The following XKR9 variants were observed in gnomAD, a reference collection of about 807,000 sequenced individuals.
XKR9 encodes XK related 9, also known as XK-related protein 9.
Under a neutral mutation model 32.0 loss-of-function variants are expected in XKR9, and 32 were observed. The observed-to-expected ratio is 1.00, with a 90% confidence interval of 0.76 to 1.34. XKR9 has a LOEUF of 1.34. Ranked by LOEUF, XKR9 falls within the 40% of genes most tolerant of loss-of-function variation. XKR9 has a pLI of 0.00. For missense variants in XKR9, 546 were observed against 429.7 expected (o/e 1.27, Z -2.39); for synonymous variants, 168 against 143.4 (o/e 1.17, Z -1.22).
the XKR9 span, among the ~76,000 whole-genome samples, chr8:70,862,378 A>C: frequency 6.6e-6 from 1 of 151,402 alleles, no homozygotes; most frequent in East Asian, 1.9e-4. Flanking sequence ...TCCATTTTAG[A>C]CTCCATGGCA....
At chr8:70,922,554 G>C in the XKR9 span, among the ~76,000 whole-genome samples, 61 of 152,320 alleles carry the variant, frequency 4.0e-4, no homozygotes, top group Non-Finnish European at 8.2e-4. Context: ...AGTGATTATG[G>C]AGTGTTAGCA....
chr8:70,706,540 A>G (rs573421431), intron 3 of XKR9, among the ~76,000 whole-genome samples: 16 of 152,256 alleles, frequency 1.1e-4, no homozygotes, highest in Non-Finnish European at 2.2e-4. Context: ...AATACTAGAA[A>G]TAATAAGATC....
the XKR9 span, among the ~76,000 whole-genome samples, chr8:70,924,895 A>G: frequency 6.6e-6 from 1 of 152,364 alleles, no homozygotes; most frequent in Non-Finnish European, 1.5e-5. Context: ...CTGTAAAACA[A>G]GTCACTTGAA....
At chr8:70,856,359 G>A in the XKR9 span, among the ~76,000 whole-genome samples, 4 of 151,930 alleles carry the variant, frequency 2.6e-5, no homozygotes, top group Non-Finnish European at 2.9e-5. Context: ...TTAAACCAAC[G>A]AAGATCAAAA....
chr8:71,012,666 A>G, the XKR9 span, among the ~76,000 whole-genome samples: 1 of 152,160 alleles, frequency 6.6e-6, no homozygotes, highest in African/African-American at 2.4e-5. Context: ...AGTACTTCAT[A>G]GGTGGTTTTT....
the XKR9 span, among the ~76,000 whole-genome samples, chr8:70,883,938 C>T: frequency 2.0e-5 from 3 of 152,038 alleles, no homozygotes; most frequent in East Asian, 5.8e-4. Context: ...TAAAAGTATA[C>T]TTAGTTTTGT....
At chr8:70,821,520 C>T in the XKR9 span, among the ~76,000 whole-genome samples, 2 of 152,346 alleles carry the variant, frequency 1.3e-5, no homozygotes, top group African/African-American at 4.8e-5. Context: ...CTCTTCTGCA[C>T]TACCCTAGCA....
At chr8:71,051,389 T>C in the XKR9 span, among the ~76,000 whole-genome samples, 18 of 152,330 alleles carry the variant, frequency 1.2e-4, no homozygotes, top group African/African-American at 4.3e-4. Flanking sequence ...CTACAGATGG[T>C]ATTAGCATTA....
chr8:70,706,657 C>T (rs1805726989), intron 3 of XKR9, among the ~76,000 whole-genome samples: 1 of 152,010 alleles, frequency 6.6e-6, no homozygotes, highest in Non-Finnish European at 1.5e-5. Flanking sequence ...ATAATGTCTC[C>T]TTTTCTCACA....
chr8:70,683,983 TG>T (rs774020433), intron 3 of XKR9, among the ~76,000 whole-genome samples: 17 of 152,252 alleles, frequency 1.1e-4, no homozygotes, highest in Non-Finnish European at 2.1e-4. Flanking sequence ...TATATTTGAT[TG>T]TTTTTTGGTT....
intron 2 of XKR9, among the ~76,000 whole-genome samples, chr8:70,775,796 C>T (rs1005190985): frequency 1.3e-5 from 2 of 151,034 alleles, no homozygotes; most frequent in African/African-American, 4.9e-5. Flanking sequence ...GTTGCCCAGA[C>T]TACAGTGGCG....
At chr8:71,045,678 T>C in the XKR9 span, among the ~76,000 whole-genome samples, 2 of 152,146 alleles carry the variant, frequency 1.3e-5, no homozygotes, top group Non-Finnish European at 2.9e-5. Context: ...AGCCGAGTCA[T>C]AGGCCAGGGC....
At chr8:70,812,017 A>T in the XKR9 span, among the ~76,000 whole-genome samples, 2 of 152,152 alleles carry the variant, frequency 1.3e-5, no homozygotes, top group African/African-American at 4.8e-5. Context: ...AATATCCTTG[A>T]TGAACATTGA....
chr8:70,901,898 C>A, the XKR9 span, among the ~76,000 whole-genome samples: 2 of 152,186 alleles, frequency 1.3e-5, no homozygotes, highest in African/African-American at 2.4e-5. Flanking sequence ...TTTCCCAGCA[C>A]CATTTATTAA....
At chr8:70,711,593 AAG>A (rs766429200) in intron 4 of XKR9, among the ~76,000 whole-genome samples, 7 of 152,200 alleles carry the variant, frequency 4.6e-5, no homozygotes, top group Non-Finnish European at 7.4e-5. Flanking sequence ...CATAAACACA[AAG>A]AGGGGAACAA....
chr8:70,760,440 G>A (rs977181407), intron 2 of XKR9, among the ~76,000 whole-genome samples: 15 of 152,096 alleles, frequency 9.9e-5, no homozygotes, highest in African/African-American at 3.6e-4. Flanking sequence ...CAGTTTGTGA[G>A]GCATTATTTT....
chr8:70,815,809 G>A, the XKR9 span, among the ~76,000 whole-genome samples: 4 of 152,074 alleles, frequency 2.6e-5, no homozygotes, highest in Non-Finnish European at 4.4e-5. Context: ...ACAGTCGTGA[G>A]CTACTGCACC....
chr8:70,708,673 G>A (rs1365021040), intron 4 of XKR9, among the ~76,000 whole-genome samples: 1 of 152,042 alleles, frequency 6.6e-6, no homozygotes, highest in African/African-American at 2.4e-5. Context: ...AAAATGTTAA[G>A]TGTGTCTGCT....
chr8:70,898,547 T>A, the XKR9 span, among the ~76,000 whole-genome samples: 1 of 152,184 alleles, frequency 6.6e-6, no homozygotes, highest in Non-Finnish European at 1.5e-5. Context: ...TTCAAAATAT[T>A]TTCTAATTTT....
Sources: allele counts gnomAD v4.1 joint callset (sites outside exome capture counted in the v4.1 genomes callset), GRCh38; gene constraint gnomAD v4.1.1; transcripts MANE v1.5; gene names NCBI Gene and HGNC (gene_info 2026-07-23, HGNC 2026-07-21).